UBXN2B: variants seen among roughly 807,000 people sequenced by gnomAD.
UBXN2B encodes the protein UBX domain protein 2B, also known as UBX domain-containing protein 2B.
A neutral mutation model predicts 37.5 loss-of-function variants in UBXN2B; 19 were observed. The ratio of observed to expected loss-of-function variants is 0.51; its 90% CI spans 0.35 to 0.74. The LOEUF is 0.74. UBXN2B is among the 30% of genes least tolerant of loss of function. The pLI is 0.01. For missense variants in UBXN2B, 370 were observed against 393.2 expected, an observed-to-expected ratio of 0.94 and a Z score of 0.50; for synonymous variants, 145 against 143.8, an observed-to-expected ratio of 1.01 and a Z score of -0.06.
chr8:58,440,098 A>G (rs1327355681), intron 6 of UBXN2B, among the ~76,000 whole-genome samples: 1 of 152,232 alleles, frequency 6.6e-6, no homozygotes, highest in African/African-American at 2.4e-5. Context: ...TTGCAGATGC[A>G]GTAATTTGCC....
chr8:58,423,756 A>T (rs1807997395), intron 2 of UBXN2B, among the ~76,000 whole-genome samples: 1 of 151,246 alleles, frequency 6.6e-6, no homozygotes, highest in Non-Finnish European at 1.5e-5. Flanking sequence ...TTTTTTTTTA[A>T]GCCACTAAAG....
At chr8:58,434,823 A>G in intron 5 of UBXN2B, 1 of 1,535,060 alleles carries the variant, frequency 6.5e-7, no homozygotes, top group African/African-American at 1.4e-5. Context: ...GTAGCTGCCC[A>G]CCCACTAAGC....
chr8:58,416,913 AAAGCC>A lies in UBXN2B; in HGVS notation c.150_154del (p.Lys50AsnfsTer17). 6.2e-7 allele frequency: 1 copy of A among 1,612,606 alleles called. No individual in the cohort carries two copies. Among genetic ancestry groups the A allele is most frequent in the Non-Finnish European group, 8.5e-7 (1 of 1,178,900 alleles). ...CAAATCTTCCAAGTCTAATAGACCT[AAAGCC>A]ACAGTCTTCAAGAGCCCACGGACAC... On this transcript the variant is annotated frameshift_variant, in exon 2 of 8. Coordinates refer to ENST00000399598, the MANE Select transcript of UBXN2B (RefSeq NM_001077619.2). LOFTEE classifies it high-confidence loss of function.
chr8:58,438,022 G>A (rs1808458233), intron 5 of UBXN2B, among the ~76,000 whole-genome samples: 1 of 151,980 alleles, frequency 6.6e-6, no homozygotes, highest in Non-Finnish European at 1.5e-5. Context: ...CAAACTTGGG[G>A]CCCAGCTGCC....
At chr8:58,440,120 A>T (rs879679074) in intron 6 of UBXN2B, among the ~76,000 whole-genome samples, 1 of 152,196 alleles carries the variant, frequency 6.6e-6, no homozygotes, top group Non-Finnish European at 1.5e-5. Context: ...AAGATTGTTG[A>T]GCTAAGAAAT....
At chr8:58,446,747 A>G (rs1446980971) in intron 7 of UBXN2B, among the ~76,000 whole-genome samples, 2 of 127,866 alleles carry the variant, frequency 1.6e-5, no homozygotes, top group African/African-American at 3.1e-5. Context: ...TGCTGCTAAC[A>G]CATTTTATAC....
At chr8:58,416,689 G>A (rs1245660880) in intron 1 of UBXN2B, among the ~76,000 whole-genome samples, 161 bp from the exon 2 acceptor site, 1 of 152,136 alleles carries the variant, frequency 6.6e-6, no homozygotes, top group East Asian at 1.9e-4. Flanking sequence ...ATAATGAGAT[G>A]CAGTAAGTTT....
chr8:58,430,090 T>C (rs1808204214), intron 2 of UBXN2B, among the ~76,000 whole-genome samples: 1 of 152,236 alleles, frequency 6.6e-6, no homozygotes, highest in Non-Finnish European at 1.5e-5. Context: ...TAGCTGTTTA[T>C]ACTGTCTAAA....
At chr8:58,434,333 T>A (rs902229935) in intron 4 of UBXN2B, 62 bp from the exon 5 acceptor site, 1 of 483,480 alleles carries the variant, frequency 2.1e-6, no homozygotes. Flanking sequence ...GGAGATATAT[T>A]CTTATGTATA....
chr8:58,423,915 C>T (rs1375615154), intron 2 of UBXN2B, among the ~76,000 whole-genome samples: 4 of 151,664 alleles, frequency 2.6e-5, no homozygotes, highest in Admixed American at 1.3e-4. Context: ...AAAAGCCAAA[C>T]TGTAATTGGT....
At chr8:58,428,456 T>A (rs1486047418) in intron 2 of UBXN2B, among the ~76,000 whole-genome samples, 2 of 152,214 alleles carry the variant, frequency 1.3e-5, no homozygotes, top group African/African-American at 4.8e-5. Flanking sequence ...AAAGACTGAT[T>A]CTTTTTCTGA....
intron 1 of UBXN2B, among the ~76,000 whole-genome samples, chr8:58,414,371 C>G (rs1428631889): frequency 1.3e-5 from 2 of 152,186 alleles, no homozygotes; most frequent in African/African-American, 4.8e-5. Context: ...ATTGGTTACT[C>G]TAAGGCTGAG....
At chr8:58,416,395 A>G (rs1807784508) in intron 1 of UBXN2B, among the ~76,000 whole-genome samples, 1 of 152,122 alleles carries the variant, frequency 6.6e-6, no homozygotes, top group Non-Finnish European at 1.5e-5. Flanking sequence ...AGTTTGGTAG[A>G]CTTTTAAATA....
chr8:58,426,129 G>T, intron 2 of UBXN2B: 2 of 1,236,436 alleles, frequency 1.6e-6, no homozygotes, highest in Non-Finnish European at 2.4e-6. Flanking sequence ...TCTGTGTAAT[G>T]CCGGACCAAC....
rs554134382 is a variant in UBXN2B at position 58,411,378 on chromosome 8, A to G, written c.-8A>G. On this transcript the variant is annotated 5_prime_UTR_variant, in exon 1 of 8. Coordinates refer to ENST00000399598, the MANE Select transcript of UBXN2B (RefSeq NM_001077619.2). ...GCGTCCGCAGCGGGCGCCGCTAGCC[A>G]GCGGAAGATGGCGGAGGGCGGAGGC... The G allele has an allele frequency of 3.1e-5, 40 of 1,270,030 alleles. No homozygotes were observed. The Admixed American group carries it at 1.2e-3, about 38-fold the overall frequency. The allele number at this position is 1,270,030 out of a possible 1,614,324, so 78.7% of individuals were successfully genotyped here.
At chr8:58,425,102 G>A (rs981522033) in intron 2 of UBXN2B, 7 of 794,280 alleles carry the variant, frequency 8.8e-6, no homozygotes, top group Middle Eastern at 3.1e-4. Flanking sequence ...CCGTGGTCCG[G>A]CCAGGTCCAA....
chr8:58,424,924 C>G (rs1456715144), intron 2 of UBXN2B: 1 of 841,482 alleles, frequency 1.2e-6, no homozygotes, highest in Non-Finnish European at 2.1e-6. Context: ...GCAGTCAACA[C>G]CTTTCTCTCT....
intron 5 of UBXN2B, among the ~76,000 whole-genome samples, chr8:58,437,721 GTTGGAACTCATATTTAAAA>G (rs1808449975): frequency 6.6e-6 from 1 of 152,146 alleles, no homozygotes; most frequent in Non-Finnish European, 1.5e-5. Flanking sequence ...ATGATTTAAA[GTTGGAACTCATATTTAAAA>G]GAGAAGCAGA....
At chr8:58,425,973 G>A in intron 2 of UBXN2B, 2 of 1,446,960 alleles carry the variant, frequency 1.4e-6, no homozygotes, top group African/African-American at 1.4e-5. Flanking sequence ...AAACTACCAT[G>A]TTTTCCTTTT....
Sources: gnomAD v4.1 joint callset for allele counts (sites outside exome capture counted in the v4.1 genomes callset) on GRCh38, gnomAD v4.1.1 for gene constraint, MANE v1.5 for transcripts, NCBI Gene and HGNC (gene_info 2026-07-23, HGNC 2026-07-21) for gene names.